GPR161: variants seen among roughly 807,000 people sequenced by gnomAD.
GPR161 encodes the protein G-protein coupled receptor RE2.
In GPR161, 25 loss-of-function variants were observed where a neutral mutation model predicts 39.2. That is an observed-to-expected ratio of 0.64 (90% confidence interval 0.47 to 0.89). The LOEUF (loss-of-function observed/expected upper bound fraction) is 0.89. Ranked by LOEUF, GPR161 falls within the 40% of genes least tolerant of loss-of-function variation. GPR161 has a pLI of 0.00. For synonymous variants in GPR161, 286 were observed against 276.6 expected (o/e 1.03, Z -0.34); for missense variants, 547 against 677.8 (o/e 0.81, Z 2.14).
intron 2 of GPR161, among the ~76,000 whole-genome samples, chr1:168,102,242 G>A (rs1439322210): frequency 2.0e-5 from 3 of 152,352 alleles, no homozygotes; most frequent in African/African-American, 7.2e-5. Context: ...CTCTCCACCT[G>A]TTACGTACCT....
chr1:168,085,834 C>G lies in GPR161; in HGVS notation c.1325-38G>C. 4 of 1,574,744 alleles carry G rather than the reference C, an allele frequency of 2.5e-6. No homozygotes were observed. In the South Asian group the frequency reaches 3.5e-5, roughly 14 times the overall value. ...GCAGAAAAAAAAGTCAGCTGAGGAG[C>G]CAGGCCTGGGGACTACCTTGGGGAC... On this transcript the variant is annotated intron_variant, in intron 5 of 5. Coordinates refer to ENST00000682931, the MANE Select transcript of GPR161 (RefSeq NM_001375883.1).
intron 1 of GPR161, among the ~76,000 whole-genome samples, chr1:168,125,803 A>C (rs1446491603): frequency 6.6e-6 from 1 of 152,102 alleles, no homozygotes; most frequent in South Asian, 2.1e-4. Context: ...TTTTTAGTAG[A>C]GATGGGGTTT....
chr1:168,097,383 A>G (rs1245469229), intron 2 of GPR161, 151 bp from the exon 3 acceptor site: 8 of 724,518 alleles, frequency 1.1e-5, no homozygotes, highest in Non-Finnish European at 1.6e-5. Context: ...TATAGACTGC[A>G]TCGTGTTCCA....
chr1:168,090,595 C>T lies in GPR161; in HGVS notation c.1173G>A (p.Gly391=), dbSNP rs763022469. The change falls in exon 4 of 6, where the codon GGG becomes GGA. Residue 391 remains glycine, a synonymous_variant. Coordinates refer to ENST00000682931, the MANE Select transcript of GPR161 (RefSeq NM_001375883.1). ...CCTGGGAGCAGCTGAAGCCAGTGTC[C>T]CCCGTGCTGCTGCTGTGCCCCAGGG... is the stretch of plus-strand genomic sequence containing the variant. ...GQPLGHSSST[G]DTGFSCSQDS... 3.1e-6 allele frequency: 5 copies of T among 1,610,234 alleles called. No homozygotes were observed. Among genetic ancestry groups the T allele is most frequent in the East Asian group, 2.2e-5 (1 of 44,872 alleles).
At position 168,084,427 on chromosome 1, in the gene GPR161, T is replaced by C. The variant is rs1256541436; in HGVS notation, c.*1104A>G. On this transcript the variant is annotated 3_prime_UTR_variant, in exon 6 of 6. Transcript: ENST00000682931. ...CCAACTCCACTCTGTTTTCCCACTT[T>C]ACAGAGGACCTAGAAAGGTGACAAG... is the stretch of plus-strand genomic sequence containing the variant. 3 of 256,296 alleles carry C rather than the reference T, an allele frequency of 1.2e-5. No individual in the cohort carries two copies. The highest frequency in any genetic ancestry group is 2.3e-5 in the African/African-American group (1 of 42,948). 15.9% of individuals were successfully genotyped at this position (256,296 alleles called of 1,614,324 possible).
At chr1:168,126,931 C>T (rs1698636343) in intron 1 of GPR161, among the ~76,000 whole-genome samples, 1 of 152,102 alleles carries the variant, frequency 6.6e-6, no homozygotes, top group Admixed American at 6.5e-5. Context: ...AGAACATGGG[C>T]CTTGGAATCT....
upstream of GPR161, chr1:168,137,506 G>T (rs1699473430): frequency 3.1e-6 from 3 of 981,328 alleles, no homozygotes; most frequent in African/African-American, 3.2e-5. Flanking sequence ...GGAGTGGGGA[G>T]TGGACGTAAA....
chr1:168,137,144 T>A (rs1699454835), upstream of GPR161: 1 of 1,209,492 alleles, frequency 8.3e-7, no homozygotes, highest in Non-Finnish European at 1.0e-6. Flanking sequence ...CCTCGGCTGC[T>A]GCTCTTTGTC....
intron 5 of GPR161, among the ~76,000 whole-genome samples, chr1:168,087,090 T>C (rs924743466): frequency 1.3e-5 from 2 of 151,936 alleles, no homozygotes. Flanking sequence ...GCGGGGAAGA[T>C]ATAGAGTAGA....
chr1:168,123,446 A>T (rs922315918), intron 1 of GPR161, among the ~76,000 whole-genome samples: 9 of 151,976 alleles, frequency 5.9e-5, no homozygotes, highest in Non-Finnish European at 1.3e-4. Context: ...CAACAGAGCA[A>T]GACCCTGTCT....
intron 1 of GPR161, among the ~76,000 whole-genome samples, chr1:168,131,035 A>G (rs1320706176): frequency 6.6e-6 from 1 of 152,160 alleles, no homozygotes; most frequent in Non-Finnish European, 1.5e-5. Flanking sequence ...ACTCTCTAGG[A>G]TTGAATGAGA....
In GPR161 at chr1:168,098,127, A is replaced by C. The variant is rs1695729060; in HGVS notation, c.375-895T>G. Reference sequence around the variant, plus strand: ...GTGATGCTCCAGACCCAGGTCTCACAGCGTTGGAGGCACTGACCCAGGACC... The same window carrying C: ...GTGATGCTCCAGACCCAGGTCTCACCGCGTTGGAGGCACTGACCCAGGACC... On this transcript the variant is annotated intron_variant, in intron 2 of 5. Transcript: ENST00000682931. The surrounding 1 kb of genome is among the most constrained non-coding windows in gnomAD (Gnocchi z 4.1). Among the ~76,000 whole-genome samples, 1 of 152,196 alleles carries C rather than the reference A, an allele frequency of 6.6e-6. No homozygotes were observed. The highest frequency in any genetic ancestry group is 1.5e-5 in the Non-Finnish European group (1 of 68,034).
At chr1:168,112,321 A>T (rs1697242355) in intron 1 of GPR161, among the ~76,000 whole-genome samples, 1 of 152,046 alleles carries the variant, frequency 6.6e-6, no homozygotes, top group East Asian at 1.9e-4. Context: ...TCTACTAAAA[A>T]TACAAAAAAT....
chr1:168,110,997 T>A (rs768779850), intron 1 of GPR161, among the ~76,000 whole-genome samples: 2 of 151,470 alleles, frequency 1.3e-5, no homozygotes, highest in African/African-American at 4.8e-5. Flanking sequence ...AACAGCAGAT[T>A]TAGCTAAAAA....
intron 1 of GPR161, among the ~76,000 whole-genome samples, chr1:168,108,103 T>A (rs1278764803): frequency 6.6e-6 from 1 of 152,136 alleles, no homozygotes; most frequent in Non-Finnish European, 1.5e-5. Flanking sequence ...CCTCCACTCA[T>A]GGCTGAAAAC....
rs374865344 is a variant in GPR161 at position 168,087,579 on chromosome 1, G to A, written c.1324+6C>T. On this transcript the variant is annotated splice_donor_region_variant and intron_variant, in intron 5 of 5. Transcript: ENST00000682931. ...TTTCTTGAAGCAATCAGTCACAGAA[G>A]CCAACCTTTGATTTGTTCCACTTCA... The A allele has an allele frequency of 1.3e-4, 204 of 1,613,940 alleles. No individual in the cohort carries two copies. Among genetic ancestry groups the A allele is most frequent in the Non-Finnish European group, 1.6e-4 (190 of 1,179,956 alleles).
chr1:168,095,065 T>C (rs554885224), intron 3 of GPR161, among the ~76,000 whole-genome samples: 7 of 152,312 alleles, frequency 4.6e-5, no homozygotes, highest in African/African-American at 1.7e-4. Context: ...CCTGCTATGA[T>C]GTACAGGAAG....
chr1:168,115,538 G>T (rs1257750419), intron 1 of GPR161, among the ~76,000 whole-genome samples: 1 of 152,024 alleles, frequency 6.6e-6, no homozygotes, highest in African/African-American at 2.4e-5. Context: ...TTTAGGATCA[G>T]AAGATCTATG....
intron 2 of GPR161, among the ~76,000 whole-genome samples, chr1:168,102,539 GA>G (rs1558108102): frequency 6.6e-6 from 1 of 152,252 alleles, no homozygotes; most frequent in East Asian, 1.9e-4. Flanking sequence ...ATAAGGCCCT[GA>G]AAGAGGTAAA....
Sources: gnomAD v4.1 joint callset for allele counts (sites outside exome capture counted in the v4.1 genomes callset) on GRCh38, gnomAD v4.1.1 for gene constraint, Gnocchi (gnomAD v3.1) non-coding constraint, MANE v1.5 for transcripts, NCBI Gene and HGNC (gene_info 2026-07-23, HGNC 2026-07-21) for gene names.